The following ADARB2 variants were observed in gnomAD, a reference collection of about 807,000 sequenced individuals.
ADARB2 encodes adenosine deaminase RNA specific B2 (inactive).
Under a neutral mutation model 62.2 loss-of-function variants are expected in ADARB2, and 25 were observed. The observed-to-expected ratio is 0.40, with a 90% CI of 0.29 to 0.56. ADARB2 has a LOEUF of 0.56. ADARB2 is among the 20% of genes least tolerant of loss of function. The pLI is 0.43. For missense variants in ADARB2, 1,071 were observed against 1,077.4 expected, an observed-to-expected ratio of 0.99 and a Z score of 0.08; for synonymous variants, 572 against 500.8, an observed-to-expected ratio of 1.14 and a Z score of -1.90.
chr10:1,715,884 G>A (rs751052054), intron 1 of ADARB2, among the ~76,000 whole-genome samples: 1 of 152,172 alleles, frequency 6.6e-6, no homozygotes. Flanking sequence ...ACACCCTTCC[G>A]AACAGCAGCA....
chr10:1,525,339 A>C (rs1588287473), intron 1 of ADARB2, among the ~76,000 whole-genome samples: 1 of 152,250 alleles, frequency 6.6e-6, no homozygotes, highest in East Asian at 1.9e-4. Flanking sequence ...TTTCTTCAGG[A>C]ATCTCACGAT....
At chr10:1,499,002 A>G (rs1831727896) in intron 1 of ADARB2, among the ~76,000 whole-genome samples, 1 of 126,742 alleles carries the variant, frequency 7.9e-6, no homozygotes, top group African/African-American at 3.0e-5. Context: ...CACTCACTCA[A>G]TACTCATTAC....
chr10:1,566,344 T>C (rs1172714332), intron 1 of ADARB2, among the ~76,000 whole-genome samples: 1 of 152,254 alleles, frequency 6.6e-6, no homozygotes, highest in African/African-American at 2.4e-5. Flanking sequence ...ATTTTCAGTC[T>C]ACACATGTGT....
chr10:1,389,784 T>C (rs946776757), intron 1 of ADARB2, among the ~76,000 whole-genome samples: 1 of 146,766 alleles, frequency 6.8e-6, no homozygotes, highest in African/African-American at 2.5e-5. Context: ...AATAAATAAA[T>C]AATAAATAAA....
In ADARB2 at chr10:1,566,063, C is replaced by CAA. The variant is rs376967105; in HGVS notation, c.100+170986_100+170987dup. 3.9e-5 allele frequency among the ~76,000 whole-genome samples: 5 copies of CAA among 128,042 alleles called. 1 individual carries two copies. Among genetic ancestry groups the CAA allele is most frequent in the African/African-American group, 1.5e-4 (5 of 33,376 alleles). 84.0% of individuals were successfully genotyped at this position (128,042 alleles called of 152,430 possible). ...CTCCTCTAGGTTGAGCTCAGTCTAG[C>CAA]AAAAAAAAAAAAAAAAAAAAAAAAA... On this transcript the variant is annotated intron_variant, in intron 1 of 9. Coordinates refer to ENST00000381312, the MANE Select transcript of ADARB2 (RefSeq NM_018702.4).
At chr10:1,327,272 A>C (rs111247950) in intron 3 of ADARB2, among the ~76,000 whole-genome samples, 9,464 of 30,146 alleles carry the variant, frequency 0.31, 1,161 homozygotes, top group Middle Eastern at 0.5. Context: ...TCCTCACTGC[A>C]CAGCGCCTCC....
rs186318870 is a variant in ADARB2 at position 1,694,166 on chromosome 10, T to C, written c.100+42885A>G. On this transcript the variant is annotated intron_variant, in intron 1 of 9. Transcript: ENST00000381312. The stretch of plus-strand genomic sequence containing the variant: ...CAGTTATTATTTTGTTCAGATTTAA[T>C]TCCAAAGAGTATTTCTCAAACCATA... Among the ~76,000 whole-genome samples, 44 of 152,370 alleles carry C rather than the reference T, an allele frequency of 2.9e-4. 1 individual carries two copies. In the East Asian group the frequency reaches 7.3e-3, roughly 25 times the overall value.
intron 1 of ADARB2, among the ~76,000 whole-genome samples, chr10:1,410,974 C>T (rs139472695): frequency 3.4e-4 from 52 of 152,290 alleles, no homozygotes; most frequent in African/African-American, 5.3e-4. Context: ...TCTCAGATCC[C>T]GGACTTTGGT....
chr10:1,392,142 G>A (rs927282367), intron 1 of ADARB2, among the ~76,000 whole-genome samples: 7 of 152,030 alleles, frequency 4.6e-5, no homozygotes, highest in African/African-American at 7.2e-5. Flanking sequence ...TACATAAATC[G>A]AGCACTTTGA....
intron 1 of ADARB2, among the ~76,000 whole-genome samples, chr10:1,682,741 G>T (rs1834554018): frequency 1.3e-5 from 2 of 152,354 alleles, no homozygotes; most frequent in Non-Finnish European, 1.5e-5. Flanking sequence ...CTGGGAAGGG[G>T]TTGAGAACAT....
Position 1,612,746 on chromosome 10 carries a change from T to G in ADARB2, c.100+124305A>C, listed in dbSNP as rs146962900. ...GCATATCTTGTTATTTATTTGTTTA[T>G]TTGGCATCCATGAGGTAACAATGGT... On this transcript the variant is annotated intron_variant, in intron 1 of 9. Transcript: ENST00000381312. Among the ~76,000 whole-genome samples, 237 of 152,352 alleles carry G rather than the reference T, an allele frequency of 1.6e-3. 1 individual carries two copies. Among genetic ancestry groups the G allele is most frequent in the African/African-American group, 5.1e-3 (210 of 41,572 alleles).
intron 1 of ADARB2, among the ~76,000 whole-genome samples, chr10:1,406,579 C>A (rs2131875699): frequency 6.6e-6 from 1 of 152,354 alleles, no homozygotes; most frequent in African/African-American, 2.4e-5. Context: ...ATGGGTCTTT[C>A]AAACTTTGGT....
At chr10:1,385,341 G>A (rs868796323) in intron 1 of ADARB2, among the ~76,000 whole-genome samples, 3 of 152,170 alleles carry the variant, frequency 2.0e-5, no homozygotes, top group Middle Eastern at 6.8e-3. Flanking sequence ...GCTGAAATTA[G>A]CAGATAAGGA....
chr10:1,300,400 G>GT (rs1554752839), intron 3 of ADARB2, among the ~76,000 whole-genome samples: 1 of 151,762 alleles, frequency 6.6e-6, no homozygotes, highest in Non-Finnish European at 1.5e-5. Flanking sequence ...CCAGCTCCAC[G>GT]CCCCCCACAC....
chr10:1,344,533 G>A (rs1832060748), intron 3 of ADARB2, among the ~76,000 whole-genome samples: 2 of 152,198 alleles, frequency 1.3e-5, no homozygotes, highest in South Asian at 4.1e-4. Flanking sequence ...AGTATAAGAG[G>A]GGAGACGCCT....
At position 1,184,896 on chromosome 10, in the gene ADARB2, C is replaced by G. The variant is rs758258253; in HGVS notation, c.2008G>C (p.Val670Leu). The G allele has an allele frequency of 6.2e-7, 1 of 1,613,814 alleles. No individual in the cohort carries two copies. The highest frequency in any genetic ancestry group is 1.3e-5 in the African/African-American group (1 of 75,076). ...AGCCGCGCCCACCGTGCAGACAGCA[C>G]GTGCTTGCAGAGCCGGGATGGGCCC... Reference protein sequence around the residue: ...CGGPSRLCKHVLSARWARLYG... With the variant: ...CGGPSRLCKHLLSARWARLYG... Residue 670 changes from valine to leucine, a missense_variant, in exon 9 of 10, where the codon GTG (valine) becomes CTG (leucine). Val to Leu is a conservative substitution (Grantham distance 32). Transcript: ENST00000381312.
intron 1 of ADARB2, among the ~76,000 whole-genome samples, chr10:1,626,386 C>A (rs1833769705): frequency 7.8e-6 from 1 of 128,468 alleles, no homozygotes; most frequent in South Asian, 2.6e-4. Context: ...CATGTCTGCC[C>A]ACGCTCTCTC....
At chr10:1,721,821 G>A (rs1835097127) in intron 1 of ADARB2, among the ~76,000 whole-genome samples, 1 of 151,974 alleles carries the variant, frequency 6.6e-6, no homozygotes, top group Non-Finnish European at 1.5e-5. Context: ...AGTGCTCCTG[G>A]GGTCCACAGG....
At chr10:1,690,470 G>A (rs912196401) in intron 1 of ADARB2, among the ~76,000 whole-genome samples, 2 of 152,166 alleles carry the variant, frequency 1.3e-5, no homozygotes, top group Admixed American at 1.3e-4. Flanking sequence ...GCAGAGAGCC[G>A]TGGAGCTCTG....
Sources: gnomAD v4.1 joint callset for allele counts (sites outside exome capture counted in the v4.1 genomes callset) on GRCh38, gnomAD v4.1.1 for gene constraint, MANE v1.5 for transcripts, NCBI Gene and HGNC (gene_info 2026-07-23, HGNC 2026-07-21) for gene names.